Variants in KCNMA1 observed in about 807,000 individuals in gnomAD.
KCNMA1 encodes the protein potassium calcium-activated channel subfamily M alpha 1.
KCNMA1 carries 29 observed loss-of-function variants against 140.0 expected under a neutral mutation model. That is an observed-to-expected ratio of 0.21 (90% CI 0.15 to 0.28). The LOEUF (loss-of-function observed/expected upper bound fraction) is 0.28. Among genes scored for constraint, KCNMA1 ranks in the 10% least tolerant of loss-of-function variants. The pLI, the probability that KCNMA1 is intolerant of heterozygous loss-of-function variation, is 1.00. For synonymous variants in KCNMA1, 612 were observed against 611.9 expected (o/e 1.00, Z 0.00); for missense variants, 880 against 1,602.2 (o/e 0.55, Z 7.70).
chr10:77,306,190 A>C (rs1314455932), intron 2 of KCNMA1, among the ~76,000 whole-genome samples: 1 of 152,192 alleles, frequency 6.6e-6, no homozygotes, highest in Non-Finnish European at 1.5e-5. Context: ...GTAGCCAACA[A>C]AATGGGGGTG....
chr10:76,902,547 C>G (rs2045946895), intron 25 of KCNMA1: 1 of 152,160 alleles, frequency 6.6e-6, no homozygotes, highest in South Asian at 2.1e-4. Context: ...CTGTTCAGAG[C>G]CTGGGATCAG....
chr10:77,419,844 A>T (rs1325286183), intron 1 of KCNMA1, among the ~76,000 whole-genome samples: 1 of 152,190 alleles, frequency 6.6e-6, no homozygotes, highest in Non-Finnish European at 1.5e-5. Flanking sequence ...AGAACCAGAA[A>T]ACTTCAGTGG....
chr10:76,873,053 G>A (rs1313909367), downstream of KCNMA1: 1 of 152,098 alleles, frequency 6.6e-6, no homozygotes, highest in Non-Finnish European at 1.5e-5. Context: ...ATGTGGGGCT[G>A]TGATATCATG....
chr10:76,950,314 T>C (rs2065784028), intron 21 of KCNMA1, among the ~76,000 whole-genome samples: 2 of 152,164 alleles, frequency 1.3e-5, no homozygotes, highest in African/African-American at 2.4e-5. Flanking sequence ...TCTCCCCAAA[T>C]AATCATTACA....
At chr10:77,262,315 G>A (rs917522754) in intron 2 of KCNMA1, among the ~76,000 whole-genome samples, 1 of 152,168 alleles carries the variant, frequency 6.6e-6, no homozygotes, top group Admixed American at 6.5e-5. Flanking sequence ...TACATAAAAG[G>A]ACAAATATTG....
At position 77,108,306 on chromosome 10, in the gene KCNMA1, A is replaced by G. The variant is rs1230938129; in HGVS notation, c.1223+175T>C. On this transcript the variant is annotated intron_variant, in intron 9 of 27. Coordinates refer to ENST00000286628, the MANE Select transcript of KCNMA1 (RefSeq NM_001161352.2). This position sits in a 1 kb window ranked among gnomAD's most constrained non-coding sequence, Gnocchi z 4.6. Reference sequence around the variant, plus strand: ...CTTACTTTCTGCCTCCATGTTTGTTAAAAGTCCCGCCGAATTTATTCCGAC... The same window carrying G: ...CTTACTTTCTGCCTCCATGTTTGTTGAAAGTCCCGCCGAATTTATTCCGAC... The G allele has an allele frequency of 1.1e-5, 17 of 1,506,026 alleles. No homozygotes were observed. The highest frequency in any genetic ancestry group is 2.3e-5 in the Admixed American group (1 of 44,188). 93.3% of individuals were successfully genotyped at this position (1,506,026 alleles called of 1,614,324 possible).
intron 21 of KCNMA1, chr10:76,952,003 T>A: frequency 6.5e-7 from 1 of 1,545,692 alleles, no homozygotes; most frequent in Non-Finnish European, 8.8e-7. Flanking sequence ...TGTTAAATGA[T>A]GTTATTTTTC....
chr10:77,488,892 T>TAA (rs1015296196), intron 1 of KCNMA1, among the ~76,000 whole-genome samples: 20 of 152,196 alleles, frequency 1.3e-4, no homozygotes, highest in African/African-American at 4.1e-4. Context: ...TCTCCTGTTA[T>TAA]AAAAAGGGAC....
intron 14 of KCNMA1, among the ~76,000 whole-genome samples, chr10:77,064,565 G>T (rs914928954): frequency 2.6e-5 from 4 of 152,142 alleles, no homozygotes; most frequent in South Asian, 2.1e-4. Context: ...GGGCCATAGG[G>T]GAAATGAATC....
At chr10:77,631,862 C>T (rs767116323) in intron 1 of KCNMA1, among the ~76,000 whole-genome samples, 29 of 152,230 alleles carry the variant, frequency 1.9e-4, no homozygotes, top group Admixed American at 4.6e-4. Context: ...CACCTAGAAG[C>T]AGGGCTAGCC....
chr10:77,253,725 A>G (rs1017951636), intron 2 of KCNMA1, among the ~76,000 whole-genome samples: 14 of 152,236 alleles, frequency 9.2e-5, no homozygotes, highest in African/African-American at 3.4e-4. Context: ...CCACGTATTC[A>G]GCTGGAAGGC....
intron 2 of KCNMA1, among the ~76,000 whole-genome samples, chr10:77,289,659 C>T (rs1476452288): frequency 1.3e-5 from 2 of 152,032 alleles, no homozygotes; most frequent in African/African-American, 4.8e-5. Flanking sequence ...CCATGTAAGA[C>T]TTTTGTTTTG....
chr10:77,539,253 G>A (rs1866593), intron 1 of KCNMA1, among the ~76,000 whole-genome samples: 24,932 of 152,182 alleles, frequency 0.16, 2,409 homozygotes, highest in Middle Eastern at 0.24. Flanking sequence ...AGGTACTAAC[G>A]TTCTGCATTT....
intron 1 of KCNMA1, among the ~76,000 whole-genome samples, chr10:77,473,082 A>G (rs2098200778): frequency 2.0e-5 from 3 of 152,176 alleles, no homozygotes; most frequent in Admixed American, 2.0e-4. Flanking sequence ...TGCCCTTCAC[A>G]CGAGGAAAAC....
At chr10:77,378,545 G>A (rs987459605) in intron 2 of KCNMA1, among the ~76,000 whole-genome samples, 10 of 152,288 alleles carry the variant, frequency 6.6e-5, no homozygotes, top group African/African-American at 2.4e-4. Flanking sequence ...TGGTTTGGGT[G>A]GGGCTCTGGT....
intron 1 of KCNMA1, among the ~76,000 whole-genome samples, chr10:77,419,304 G>C (rs1282347199): frequency 1.3e-5 from 2 of 152,184 alleles, no homozygotes; most frequent in Admixed American, 1.3e-4. Flanking sequence ...CTGGCGTCTT[G>C]GAAAGACGCC....
chr10:77,236,084 A>G (rs2154215571), intron 3 of KCNMA1, among the ~76,000 whole-genome samples: 1 of 152,320 alleles, frequency 6.6e-6, no homozygotes, highest in East Asian at 1.9e-4. Context: ...GAGGCTGGCC[A>G]TGAGGGCAGT....
At chr10:77,619,282 G>A (rs529462657) in intron 1 of KCNMA1, among the ~76,000 whole-genome samples, 22 of 151,354 alleles carry the variant, frequency 1.5e-4, no homozygotes, top group African/African-American at 5.3e-4. Context: ...ACACATATGC[G>A]TGGTGCCCCA....
intron 19 of KCNMA1, among the ~76,000 whole-genome samples, chr10:76,993,763 G>C (rs777215760): frequency 2.6e-4 from 40 of 152,330 alleles, no homozygotes; most frequent in Middle Eastern, 6.8e-3. Context: ...ACTGTCTAAA[G>C]ACTTTCTATC....
Sources: allele counts gnomAD v4.1 joint callset (sites outside exome capture counted in the v4.1 genomes callset), GRCh38; gene constraint gnomAD v4.1.1; non-coding constraint Gnocchi (gnomAD v3.1); transcripts MANE v1.5; gene names NCBI Gene and HGNC (gene_info 2026-07-23, HGNC 2026-07-21).